The following LRP1B variants were observed in gnomAD, a reference collection of about 807,000 sequenced individuals.
LRP1B encodes the protein low-density lipoprotein receptor-related protein 1B.
A neutral mutation model predicts 556.6 loss-of-function variants in LRP1B; 217 were observed. That is an observed-to-expected ratio of 0.39 (90% CI 0.35 to 0.44). LRP1B has a LOEUF of 0.44. Among genes scored for constraint, LRP1B ranks in the 20% least tolerant of loss-of-function variants. LRP1B has a pLI of 1.00. For synonymous variants in LRP1B, 2,047 were observed against 1,865.8 expected, an observed-to-expected ratio of 1.10 and a Z score of -2.50; for missense variants, 5,053 against 5,620.8, an observed-to-expected ratio of 0.90 and a Z score of 3.23.
At position 140,467,249 on chromosome 2, in the gene LRP1B, G is replaced by A. The variant is rs531600774; in HGVS notation, c.9625+7889C>T. Among the ~76,000 whole-genome samples, 241 of 152,046 alleles carry A rather than the reference G, an allele frequency of 1.6e-3. 2 individuals are homozygous for A. Among genetic ancestry groups the A allele is most frequent in the Non-Finnish European group, 9.7e-4 (66 of 68,004 alleles). ...TATGCAACTATCCCACTAAATCATG[G>A]TGCTATGGTCTTAACGTTGGTGTCT... is the stretch of plus-strand genomic sequence containing the variant. On this transcript the variant is annotated intron_variant, in intron 60 of 90. Transcript: ENST00000389484.
In LRP1B at chr2:141,506,789, T is replaced by G. The variant is rs369783254; in HGVS notation, c.206-26256A>C. The stretch of plus-strand genomic sequence containing the variant: ...TCCTTTAAAGTCTAAATATTTCTTG[T>G]GTTTTTTATGTTATTAAAAAGTGCC... On this transcript the variant is annotated intron_variant, in intron 2 of 90. Coordinates refer to ENST00000389484, the MANE Select transcript of LRP1B (RefSeq NM_018557.3). Among the ~76,000 whole-genome samples, 26 of 152,264 alleles carry G rather than the reference T, an allele frequency of 1.7e-4. No homozygotes were observed. In the East Asian group the frequency reaches 1.7e-3, roughly 10 times the overall value.
intron 3 of LRP1B, among the ~76,000 whole-genome samples, chr2:141,257,681 G>C (rs1047077200): frequency 4.6e-5 from 7 of 152,162 alleles, no homozygotes; most frequent in African/African-American, 1.7e-4. Context: ...TCCTGCGTGA[G>C]GATTTGTATA....
chr2:140,648,325 A>T (rs1328128853), intron 41 of LRP1B, among the ~76,000 whole-genome samples: 1 of 152,036 alleles, frequency 6.6e-6, no homozygotes, highest in Non-Finnish European at 1.5e-5. Flanking sequence ...CATTAGGAGA[A>T]ATACCTAATG....
chr2:141,996,995 G>A (rs913045831), intron 1 of LRP1B, among the ~76,000 whole-genome samples: 1 of 152,080 alleles, frequency 6.6e-6, no homozygotes, highest in African/African-American at 2.4e-5. Flanking sequence ...TGTAGAAGTG[G>A]GAGACAGTGA....
chr2:141,603,286 AT>A (rs901513833), intron 2 of LRP1B, among the ~76,000 whole-genome samples: 10 of 152,034 alleles, frequency 6.6e-5, no homozygotes, highest in Non-Finnish European at 1.2e-4. Flanking sequence ...TGTGTCAATA[AT>A]TTTTTTTGAA....
rs529948529 is a variant in LRP1B, at chr2:141,104,102, T to A, written c.1014-41829A>T. ...ATGTTAAAAATAGCTGCTTTTTAAC[T>A]GGGTCAAACTTTTCTTAAAAAATAA... is the stretch of plus-strand genomic sequence containing the variant. On this transcript the variant is annotated intron_variant, in intron 7 of 90. Transcript: ENST00000389484. 2.1e-3 allele frequency among the ~76,000 whole-genome samples: 316 copies of A among 152,156 alleles called. 1 individual carries two copies. Among genetic ancestry groups the A allele is most frequent in the Non-Finnish European group, 2.3e-3 (159 of 67,938 alleles).
intron 1 of LRP1B, among the ~76,000 whole-genome samples, chr2:141,928,730 A>G (rs1700405649): frequency 6.6e-6 from 1 of 152,092 alleles, no homozygotes; most frequent in African/African-American, 2.4e-5. Context: ...CATATGGCAG[A>G]ATTTATGTCT....
At chr2:141,794,545 T>C (rs1416374957) in intron 2 of LRP1B, among the ~76,000 whole-genome samples, 2 of 151,954 alleles carry the variant, frequency 1.3e-5, no homozygotes, top group Admixed American at 1.3e-4. Context: ...AAATAACTGA[T>C]ATACTATTTC....
chr2:141,796,732 T>C (rs1472498888), intron 2 of LRP1B, among the ~76,000 whole-genome samples: 1 of 152,002 alleles, frequency 6.6e-6, no homozygotes, highest in Non-Finnish European at 1.5e-5. Context: ...CATTTTCTCT[T>C]GCATTTGCAG....
chr2:141,015,244 G>C (rs2105388140), intron 13 of LRP1B, among the ~76,000 whole-genome samples: 1 of 152,122 alleles, frequency 6.6e-6, no homozygotes, highest in East Asian at 1.9e-4. Context: ...CCAATAAGCT[G>C]GAAGTTCAGC....
rs894209379 is a variant in LRP1B, at chr2:141,862,422, G to GA, written c.83-52022dup. On this transcript the variant is annotated intron_variant, in intron 1 of 90. Transcript: ENST00000389484. The stretch of plus-strand genomic sequence containing the variant: ...AAAATATCAGCCACTGAAATTACGT[G>GA]AAAAAAAATATATATGCATATTGCC... 4.6e-5 allele frequency among the ~76,000 whole-genome samples: 7 copies of GA among 151,824 alleles called. No individual in the cohort carries two copies. In the Middle Eastern group the frequency reaches 0.01, roughly 221 times the overall value.
At chr2:142,065,111 A>G (rs1559051224) in intron 1 of LRP1B, among the ~76,000 whole-genome samples, 1 of 151,560 alleles carries the variant, frequency 6.6e-6, no homozygotes, top group East Asian at 1.9e-4. Context: ...TACAAATTTG[A>G]CTTTCATTAT....
At chr2:140,653,010 C>T (rs186812396) in intron 41 of LRP1B, among the ~76,000 whole-genome samples, 6 of 152,104 alleles carry the variant, frequency 3.9e-5, no homozygotes, top group Admixed American at 2.0e-4. Flanking sequence ...TAGCACCATA[C>T]GTTTGAGGAA....
intron 23 of LRP1B, among the ~76,000 whole-genome samples, chr2:140,890,572 AAAAT>A (rs1486647102): frequency 2.6e-5 from 4 of 152,080 alleles, no homozygotes; most frequent in Non-Finnish European, 5.9e-5. Context: ...TGACTGAAAT[AAAAT>A]AAACAAACAA....
chr2:140,594,987 T>A (rs1344984329), intron 43 of LRP1B, among the ~76,000 whole-genome samples: 2 of 151,150 alleles, frequency 1.3e-5, no homozygotes, highest in African/African-American at 4.8e-5. Context: ...TTTTTACCTG[T>A]CACACATTTC....
At chr2:141,325,135 C>A (rs1294686559) in intron 3 of LRP1B, among the ~76,000 whole-genome samples, 1 of 151,210 alleles carries the variant, frequency 6.6e-6, no homozygotes, top group African/African-American at 2.4e-5. Flanking sequence ...TTTTTTTTGG[C>A]AAATTACTGG....
In LRP1B at chr2:140,541,027, C is replaced by T. The variant is rs781348331; in HGVS notation, c.7459G>A (p.Val2487Met). 1 of 1,611,942 alleles carries T rather than the reference C, an allele frequency of 6.2e-7. No homozygotes were observed. Among genetic ancestry groups the T allele is most frequent in the Non-Finnish European group, 8.5e-7 (1 of 1,178,508 alleles). The change falls in exon 45 of 91, where the codon GTG (valine) becomes ATG (methionine). Residue 2487 changes from valine (V) to methionine (M), a missense_variant. Val to Met is a conservative substitution (Grantham distance 21). Transcript: ENST00000389484. ...CGGTCCCCTCTGCAGGAACAATTCACTCTCCCATTGGGAGTTAAAAGGCAC... is the reference window on the plus strand; with the variant it reads ...CGGTCCCCTCTGCAGGAACAATTCATTCTCCCATTGGGAGTTAAAAGGCAC... ...DLCLLTPNGR[V>M]NCSCRGDRIL...
chr2:141,940,912 G>A (rs1700778621), intron 1 of LRP1B, among the ~76,000 whole-genome samples: 2 of 152,106 alleles, frequency 1.3e-5, no homozygotes, highest in South Asian at 2.1e-4. Context: ...CTTACCCAAC[G>A]TCACCTAGCT....
chr2:141,898,619 T>C (rs1574474589), intron 1 of LRP1B, among the ~76,000 whole-genome samples: 2 of 152,124 alleles, frequency 1.3e-5, no homozygotes, highest in South Asian at 2.1e-4. Flanking sequence ...CTTCACAGGA[T>C]GGATTATCTT....
Sources: allele counts gnomAD v4.1 joint callset (sites outside exome capture counted in the v4.1 genomes callset), GRCh38; gene constraint gnomAD v4.1.1; transcripts MANE v1.5; gene names NCBI Gene and HGNC (gene_info 2026-07-23, HGNC 2026-07-21).